NAA16: variants seen among roughly 807,000 people sequenced by gnomAD.
NAA16 encodes NARG1-like protein.
Under a neutral mutation model 110.3 loss-of-function variants are expected in NAA16, and 97 were observed. That is an observed-to-expected ratio of 0.88 (90% CI 0.75 to 1.04). The LOEUF (loss-of-function observed/expected upper bound fraction) is 1.04. Among genes scored for constraint, NAA16 ranks in the 50% least tolerant of loss-of-function variants. NAA16 has a pLI of 0.00. For synonymous variants in NAA16, 372 were observed against 330.6 expected (o/e 1.13, Z -1.36); for missense variants, 1,017 against 1,005.1 (o/e 1.01, Z -0.16).
chr13:41,352,626 G>A (rs929463528), intron 9 of NAA16, among the ~76,000 whole-genome samples: 1 of 152,156 alleles, frequency 6.6e-6, no homozygotes, highest in East Asian at 1.9e-4. Context: ...CTGTACTCCA[G>A]CCTAGGCAAC....
intron 9 of NAA16, among the ~76,000 whole-genome samples, chr13:41,345,763 CAG>C (rs2139456066): frequency 6.6e-6 from 1 of 152,144 alleles, no homozygotes; most frequent in African/African-American, 2.4e-5. Flanking sequence ...TTTATAGAGA[CAG>C]GGTTTCACCA....
At chr13:41,354,612 A>G (rs114167378) in intron 9 of NAA16, 2 of 152,242 alleles carry the variant, frequency 1.3e-5, no homozygotes, top group African/African-American at 4.8e-5. Context: ...GCGCCATGCC[A>G]ATCTCTTACT....
At chr13:41,361,327 A>G (rs2043108485) in intron 12 of NAA16, among the ~76,000 whole-genome samples, 1 of 152,216 alleles carries the variant, frequency 6.6e-6, no homozygotes, top group Non-Finnish European at 1.5e-5. Context: ...AGAAAGTGAC[A>G]ATGGAGGAGG....
rs1418811391 is a variant in NAA16 at position 41,360,606 on chromosome 13, C to T, written c.1411-1425C>T. Among the ~76,000 whole-genome samples the T allele has an allele frequency of 2.6e-5, 4 of 152,254 alleles. No individual in the cohort carries two copies. The East Asian group carries it at 5.8e-4, about 22-fold the overall frequency. On this transcript the variant is annotated intron_variant, in intron 12 of 19. Transcript: ENST00000379406. ...TGATCATCCACTTTTGACAAGTTGC[C>T]ATGCTGTATGGCAAGCTTGTTCACT...
chr13:41,323,320 A>G lies in NAA16; in HGVS notation c.537+130A>G, dbSNP rs2041995707. On this transcript the variant is annotated intron_variant, in intron 5 of 19. Coordinates refer to ENST00000379406, the MANE Select transcript of NAA16 (RefSeq NM_024561.5). ...CGGGAAAACTTTTTGACGTAATTGGAAACAGTTAAAATGTAGGATTATTTT... is the reference window on the plus strand; with the variant it reads ...CGGGAAAACTTTTTGACGTAATTGGGAACAGTTAAAATGTAGGATTATTTT... 4 of 866,252 alleles carry G rather than the reference A, an allele frequency of 4.6e-6. No homozygotes were observed. In the East Asian group the frequency reaches 1.0e-4, roughly 22 times the overall value. 53.7% of individuals were successfully genotyped at this position (866,252 alleles called of 1,614,324 possible). A position where few individuals can be genotyped will look rare whatever the true frequency, so the allele number is the denominator to read the frequency against.
chr13:41,322,938 T>A, intron 4 of NAA16, 118 bp from the exon 5 acceptor site: 1 of 963,074 alleles, frequency 1.0e-6, no homozygotes, highest in Non-Finnish European at 1.6e-6. Context: ...TATTTTATTC[T>A]GAAACTGATC....
intron 16 of NAA16, 165 bp downstream of exon 16, chr13:41,372,476 T>C: frequency 1.0e-6 from 1 of 985,074 alleles, no homozygotes; most frequent in Non-Finnish European, 1.2e-6. Flanking sequence ...TAAATTAGAA[T>C]AGTACTATCA....
rs141226008 is a variant in NAA16, at chr13:41,325,847, T to G, written c.687T>G (p.Ile229Met). Residue 229 changes from isoleucine to methionine, a missense_variant, in exon 6 of 20, where the codon ATT becomes ATG. Coordinates refer to ENST00000379406, the MANE Select transcript of NAA16 (RefSeq NM_024561.5). ...QICDKLLVEEIKGEILLKLGR... is the reference protein window; with the variant it reads ...QICDKLLVEEMKGEILLKLGR... ...GTGATAAACTTTTGGTGGAAGAAAT[T>G]AAAGGTAAGTTGGCTTGCCTTTTTT... 3.1e-6 allele frequency: 5 copies of G among 1,596,478 alleles called. No individual in the cohort carries two copies. Among genetic ancestry groups the G allele is most frequent in the Middle Eastern group, 1.7e-4 (1 of 5,946 alleles).
intron 9 of NAA16, 129 bp from the exon 10 acceptor site, chr13:41,355,015 C>T: frequency 1.9e-6 from 1 of 535,356 alleles, no homozygotes; most frequent in South Asian, 2.1e-5. Flanking sequence ...AAAGCAGATA[C>T]CCTAGTCTTT....
chr13:41,344,359 G>T (rs995007823), intron 9 of NAA16, among the ~76,000 whole-genome samples: 3 of 152,202 alleles, frequency 2.0e-5, no homozygotes, highest in Non-Finnish European at 4.4e-5. Flanking sequence ...TTTTATTTCT[G>T]TTGTGGAAGT....
intron 17 of NAA16, 68 bp downstream of exon 17, chr13:41,372,898 C>T: frequency 2.2e-6 from 3 of 1,348,946 alleles, no homozygotes; most frequent in Non-Finnish European, 2.9e-6. Flanking sequence ...TGTTAAATCT[C>T]TGTTGATCTG....
chr13:41,326,116 G>C (rs911888059), intron 6 of NAA16, among the ~76,000 whole-genome samples: 4 of 152,134 alleles, frequency 2.6e-5, no homozygotes, highest in African/African-American at 9.7e-5. Context: ...TTTGAATCCA[G>C]ATTTCATTCC....
At chr13:41,328,635 A>G (rs2042154355) in intron 6 of NAA16, 89 bp from the exon 7 acceptor site, 3 of 1,088,220 alleles carry the variant, frequency 2.8e-6, no homozygotes, top group Non-Finnish European at 4.0e-6. Flanking sequence ...CTTTTTAACC[A>G]TCTGTTCACT....
Position 41,336,680 on chromosome 13 carries a change from T to A in NAA16, c.938T>A (p.Phe313Tyr). The change falls in exon 9 of 20, where the codon TTC (phenylalanine) becomes TAC (tyrosine). Residue 313 changes from phenylalanine (F) to tyrosine (Y), a missense_variant. Phe to Tyr is a conservative substitution (Grantham distance 22, BLOSUM62 3). Transcript: ENST00000379406. ...GERFRELMDK[F>Y]LRVNFSKGCP... is the part of the protein sequence containing the mutation. The stretch of plus-strand genomic sequence containing the variant: ...AGATTTAGAGAACTAATGGATAAGT[T>A]CCTGAGGGTTAACTTCAGTAAAGGC... The A allele has an allele frequency of 2.5e-6, 4 of 1,608,038 alleles. No individual in the cohort carries two copies. Among genetic ancestry groups the A allele is most frequent in the Non-Finnish European group, 3.4e-6 (4 of 1,176,654 alleles).
At chr13:41,340,444 C>A (rs901636546) in intron 9 of NAA16, among the ~76,000 whole-genome samples, 1 of 151,962 alleles carries the variant, frequency 6.6e-6, no homozygotes, top group Non-Finnish European at 1.5e-5. Context: ...TTAGATCTTT[C>A]CTGCTTTTCT....
chr13:41,356,725 C>T (rs1379137236), intron 10 of NAA16, among the ~76,000 whole-genome samples: 1 of 152,092 alleles, frequency 6.6e-6, no homozygotes, highest in Non-Finnish European at 1.5e-5. Context: ...CTCTCCCCTC[C>T]CTTTCAAAAA....
At position 41,316,909 on chromosome 13, in the gene NAA16, C is replaced by G; in HGVS notation, c.118C>G (p.Pro40Ala). The part of the protein sequence containing the change: ...LKFCKMILSN[P>A]KFAEHGETLA... ...GTTTTGCAAGATGATTCTGTCGAACCCAAAATTTGCTGAACATGGAGGTAT... is the reference window on the plus strand; with the variant it reads ...GTTTTGCAAGATGATTCTGTCGAACGCAAAATTTGCTGAACATGGAGGTAT... The change falls in exon 2 of 20, where the codon CCA becomes GCA. Residue 40 changes from proline to alanine, a missense_variant. Coordinates refer to ENST00000379406, the MANE Select transcript of NAA16 (RefSeq NM_024561.5). 1 of 1,613,096 alleles carries G rather than the reference C, an allele frequency of 6.2e-7. No individual in the cohort carries two copies. The highest frequency in any genetic ancestry group is 1.1e-5 in the South Asian group (1 of 91,054).
In NAA16 at chr13:41,318,934, A is replaced by G. The variant is rs1467522541; in HGVS notation, c.244+24A>G. ...CTGTATCCTTTTGCAGTAGTTAAAT[A>G]GTTTATGTTTTAGCTAGTTTTTTCC... On this transcript the variant is annotated intron_variant, in intron 3 of 19. Coordinates refer to ENST00000379406, the MANE Select transcript of NAA16 (RefSeq NM_024561.5). The G allele has an allele frequency of 3.6e-6, 5 of 1,407,440 alleles. No individual in the cohort carries two copies. The African/African-American group carries it at 7.3e-5, about 21-fold the overall frequency. 87.2% of individuals were successfully genotyped at this position (1,407,440 alleles called of 1,614,324 possible).
At chr13:41,329,491 T>A (rs2042178322) in intron 7 of NAA16, among the ~76,000 whole-genome samples, 1 of 151,706 alleles carries the variant, frequency 6.6e-6, no homozygotes, top group African/African-American at 2.4e-5. Flanking sequence ...GGCTCAAAGA[T>A]GTTGAAACAG....
Sources: gnomAD v4.1 joint callset for allele counts (sites outside exome capture counted in the v4.1 genomes callset) on GRCh38, gnomAD v4.1.1 for gene constraint, MANE v1.5 for transcripts, NCBI Gene and HGNC (gene_info 2026-07-23, HGNC 2026-07-21) for gene names.